Variants in GRIP2 observed in about 807,000 individuals in gnomAD.
The protein encoded by GRIP2 is glutamate receptor interacting protein 2.
GRIP2 carries 58 observed loss-of-function variants against 108.3 expected under a neutral mutation model. The observed-to-expected ratio is 0.54, with a 90% CI of 0.43 to 0.67. The LOEUF is 0.67. GRIP2 is among the 30% of genes least tolerant of loss of function. The probability of loss-of-function intolerance (pLI) is 0.00; values close to 1 mark genes in which losing one functional copy is unlikely to be tolerated. For synonymous variants in GRIP2, 586 were observed against 598.2 expected (o/e 0.98, Z 0.30); for missense variants, 1,278 against 1,430.6 (o/e 0.89, Z 1.72).
the GRIP2 span, among the ~76,000 whole-genome samples, chr3:14,600,967 T>A: frequency 6.6e-6 from 1 of 151,948 alleles, no homozygotes; most frequent in Non-Finnish European, 1.5e-5. Flanking sequence ...CTCTCATGCC[T>A]CATACATGTC....
At chr3:14,572,388 G>A in the GRIP2 span, among the ~76,000 whole-genome samples, 301 of 151,298 alleles carry the variant, frequency 2.0e-3, no homozygotes, top group South Asian at 3.6e-3. Context: ...CCGAATGGGC[G>A]GATCACGAGG....
At chr3:14,576,893 G>T in the GRIP2 span, among the ~76,000 whole-genome samples, 1 of 152,172 alleles carries the variant, frequency 6.6e-6, no homozygotes, top group Non-Finnish European at 1.5e-5. Context: ...CCTCTAAAAA[G>T]CACAGTTAGG....
chr3:14,573,234 G>C, the GRIP2 span: 3 of 1,401,486 alleles, frequency 2.1e-6, no homozygotes, highest in African/African-American at 4.3e-5. Flanking sequence ...GAAGAGGCAG[G>C]CCAGGATGCC....
chr3:14,575,217 T>G, the GRIP2 span, among the ~76,000 whole-genome samples: 7 of 152,322 alleles, frequency 4.6e-5, no homozygotes, highest in South Asian at 1.2e-3. Context: ...TTTTATAATT[T>G]TAACTAAAAG....
the GRIP2 span, among the ~76,000 whole-genome samples, chr3:14,591,934 C>A: frequency 4.6e-5 from 7 of 152,212 alleles, no homozygotes; most frequent in Non-Finnish European, 7.3e-5. Flanking sequence ...CCTCTCGGGC[C>A]TCTGTATCCA....
chr3:14,505,283 C>T lies in GRIP2; in HGVS notation c.2573+332G>A, dbSNP rs779854430. Among the ~76,000 whole-genome samples, 11 of 152,126 alleles carry T rather than the reference C, an allele frequency of 7.2e-5. No homozygotes were observed. The highest frequency in any genetic ancestry group is 1.3e-4 in the Non-Finnish European group (9 of 68,020). On this transcript the variant is annotated intron_variant, in intron 20 of 23. Transcript: ENST00000621039. The surrounding 1 kb of genome is among the most constrained non-coding windows in gnomAD (Gnocchi z 4.2). ...GCTGAGGGCCCTCGCAGGAGGCCAT[C>T]AGGCCATCTGGGGTAAGTCAGGTGG...
Position 14,503,662 on chromosome 3 carries a change from A to C in GRIP2, c.2583T>G (p.Pro861=). 1 of 1,329,932 alleles carries C rather than the reference A, an allele frequency of 7.5e-7. No individual in the cohort carries two copies. Among genetic ancestry groups the C allele is most frequent in the Non-Finnish European group, 9.9e-7 (1 of 1,013,126 alleles). The allele number at this position is 1,329,932 out of a possible 1,614,324, so 82.4% of individuals were successfully genotyped here. Residue 861 remains proline (P), a synonymous_variant, in exon 21 of 24, where the codon CCT becomes CCG. Coordinates refer to ENST00000621039, the MANE Select transcript of GRIP2 (RefSeq NM_001080423.4). ...AGAAGCCCTCCTCTCGGGCAGGGCC[A>C]GGGGCTGGGCTGTAACGTAGGAACC... ...DDWEPPTSPA[P]GPAREEGFWR... is the part of the protein sequence containing the mutation.
In GRIP2 at chr3:14,508,097, G is replaced by A. The variant is rs79455005; in HGVS notation, c.2079-397C>T. ...TTAATTATCAAATCATAACTGAGGC[G>A]TGAATGAACGGAATGGATTCCTACT... On this transcript the variant is annotated intron_variant, in intron 17 of 23. Transcript: ENST00000621039. Among the ~76,000 whole-genome samples, 98 of 152,326 alleles carry A rather than the reference G, an allele frequency of 6.4e-4. No homozygotes were observed. In the East Asian group the frequency reaches 0.016, roughly 25 times the overall value.
intron 1 of GRIP2, among the ~76,000 whole-genome samples, chr3:14,550,041 ATGGGGGTGGGAGCCCTGCAGGGTT>A (rs1337785920): frequency 8.0e-5 from 12 of 150,764 alleles, no homozygotes; most frequent in African/African-American, 2.9e-4. Flanking sequence ...CAGCAGAGGT[ATGGGGGTGGGAGCCCTGCAGGGTT>A]TGGGGGTGGG....
chr3:14,523,752 T>G, intron 4 of GRIP2, 54 bp from the exon 5 acceptor site: 2 of 1,196,432 alleles, frequency 1.7e-6, no homozygotes, highest in Non-Finnish European at 1.2e-6. Context: ...TCCAGGCCGG[T>G]AGATGTGCCC....
intron 17 of GRIP2, among the ~76,000 whole-genome samples, 167 bp downstream of exon 17, chr3:14,509,653 A>G (rs572309363): frequency 1.3e-5 from 2 of 152,348 alleles, no homozygotes; most frequent in South Asian, 2.1e-4. Context: ...CACTCATTTT[A>G]CAAATGCAGA....
intron 1 of GRIP2, among the ~76,000 whole-genome samples, chr3:14,526,716 A>C (rs1694563874): frequency 6.6e-6 from 1 of 152,066 alleles, no homozygotes; most frequent in South Asian, 2.1e-4. Context: ...TGTCTTCTTT[A>C]TCTCTCTAAG....
intron 12 of GRIP2, 34 bp from the exon 13 acceptor site, chr3:14,513,844 T>C: frequency 6.2e-7 from 1 of 1,605,910 alleles, no homozygotes; most frequent in Non-Finnish European, 8.5e-7. Flanking sequence ...GAGAAGAGGC[T>C]CCGTGACAGG....
chr3:14,588,282 C>T, the GRIP2 span, among the ~76,000 whole-genome samples: 9 of 152,196 alleles, frequency 5.9e-5, no homozygotes, highest in African/African-American at 2.2e-4. Context: ...AACAAAAGAA[C>T]AGCAAAAAGC....
rs771187808 is a variant in GRIP2 at position 14,513,667 on chromosome 3, G to A, written c.1637C>T (p.Ala546Val). The A allele has an allele frequency of 6.8e-6, 11 of 1,608,296 alleles. No individual in the cohort carries two copies. The highest frequency in any genetic ancestry group is 2.2e-5 in the South Asian group (2 of 89,740). ...GGAAGCTTGGGCCACTCACTCACCC[G>A]CCACATCGAACTCCACCTCCAGCAC... is the stretch of plus-strand genomic sequence containing the variant. ...KVVLEVEFDV[A>V]ESVIPSSGTF... The change falls in exon 13 of 24, where the codon GCG becomes GTG. Residue 546 changes from alanine to valine, a missense_variant and splice_region_variant. Ala to Val is a moderately conservative substitution (Grantham distance 64). Coordinates refer to ENST00000621039, the MANE Select transcript of GRIP2 (RefSeq NM_001080423.4).
chr3:14,502,704 CAAG>C (rs1693800945), intron 21 of GRIP2, among the ~76,000 whole-genome samples: 1 of 151,976 alleles, frequency 6.6e-6, no homozygotes, highest in South Asian at 2.1e-4. Context: ...TATTCAAAAA[CAAG>C]AAAGACTGAA....
At position 14,507,690 on chromosome 3, in the gene GRIP2, T is replaced by C; in HGVS notation, c.2089A>G (p.Ile697Val). The change falls in exon 18 of 24, where the codon ATC becomes GTC. Residue 697 changes from isoleucine (I) to valine (V), a missense_variant. By Grantham distance (29) the Ile-to-Val change is conservative. Coordinates refer to ENST00000621039, the MANE Select transcript of GRIP2 (RefSeq NM_001080423.4). The surrounding 1 kb of genome is among the most constrained non-coding windows in gnomAD (Gnocchi z 4.6). ...KRGLAERTGA[I>V]HVGDRILAIN... is the part of the protein sequence containing the mutation. ...GCCAGAATGCGGTCCCCCACGTGGATGGCACCAGTCCTGAGGAGTGGATGC... is the reference window on the plus strand; with the variant it reads ...GCCAGAATGCGGTCCCCCACGTGGACGGCACCAGTCCTGAGGAGTGGATGC... 1 of 1,613,934 alleles carries C rather than the reference T, an allele frequency of 6.2e-7. No homozygotes were observed. Among genetic ancestry groups the C allele is most frequent in the African/African-American group, 1.3e-5 (1 of 75,024 alleles).
chr3:14,539,946 CA>C (rs1342270340), intron 1 of GRIP2, among the ~76,000 whole-genome samples: 1 of 152,144 alleles, frequency 6.6e-6, no homozygotes, highest in Non-Finnish European at 1.5e-5. Flanking sequence ...TGAGATTGGG[CA>C]AAAGGCTTCG....
At chr3:14,590,020 T>C in the GRIP2 span, among the ~76,000 whole-genome samples, 3 of 152,128 alleles carry the variant, frequency 2.0e-5, no homozygotes, top group Admixed American at 2.0e-4. Flanking sequence ...CTCAAACTCC[T>C]AGGTTCAAGT....
Sources: allele counts gnomAD v4.1 joint callset (sites outside exome capture counted in the v4.1 genomes callset), GRCh38; gene constraint gnomAD v4.1.1; non-coding constraint Gnocchi (gnomAD v3.1); transcripts MANE v1.5; gene names NCBI Gene and HGNC (gene_info 2026-07-23, HGNC 2026-07-21).